TTN: variants seen among roughly 807,000 people sequenced by gnomAD.
TTN encodes titin, also known as connectin.
TTN carries 1,525 observed loss-of-function variants against 3,223.0 expected under a neutral mutation model. The observed-to-expected ratio is 0.47, with a 90% CI of 0.45 to 0.49. The LOEUF (loss-of-function observed/expected upper bound fraction) is 0.49, where lower values mean the gene tolerates loss of function less well. Among genes scored for constraint, TTN ranks in the 20% least tolerant of loss-of-function variants. TTN has a pLI of 0.00. For missense variants in TTN, 40,786 were observed against 43,424.0 expected, an observed-to-expected ratio of 0.94 and a Z score of 5.40; for synonymous variants, 14,094 against 15,161.0, an observed-to-expected ratio of 0.93 and a Z score of 5.17.
chr2:178,800,385 C>T lies in TTN; in HGVS notation c.583+10G>A, dbSNP rs563745293. 1.2e-6 allele frequency: 2 copies of T among 1,614,100 alleles called. No individual in the cohort carries two copies. Among genetic ancestry groups the T allele is most frequent in the Admixed American group, 1.7e-5 (1 of 60,014 alleles). On this transcript the variant is annotated intron_variant, in intron 4 of 362. Coordinates refer to ENST00000589042, the MANE Select transcript of TTN (RefSeq NM_001267550.2). ...CCCCTTCTCTCTGTTCCTCAACCTC[C>T]AGCACGTACCTTGAACCAGTAATTC...
intron 288 of TTN, chr2:178,600,406 T>C (rs1288878071): frequency 1.0e-5 from 1 of 97,262 alleles, no homozygotes; most frequent in Non-Finnish European, 1.9e-5. Context: ...GGAAGAATTA[T>C]TACCATATAT....
In TTN at chr2:178,776,550, T is replaced by C. The variant is rs150725992; in HGVS notation, c.5314A>G (p.Ser1772Gly). The C allele has an allele frequency of 1.6e-4, 262 of 1,612,108 alleles. No homozygotes were observed. Among genetic ancestry groups the C allele is most frequent in the Non-Finnish European group, 2.2e-4 (257 of 1,179,996 alleles). ...LDYGVAYSRD[S>G]GIITCRATNK... is the part of the protein sequence containing the mutation. Reference sequence around the variant, plus strand: ...GTGGCTCTGCAAGTAATGATACCACTGTCTCTAGAATATGCAACGCCATAA... The same window carrying C: ...GTGGCTCTGCAAGTAATGATACCACCGTCTCTAGAATATGCAACGCCATAA... The change falls in exon 28 of 363, where the codon AGT (serine) becomes GGT (glycine). Residue 1772 changes from serine (S) to glycine (G), a missense_variant. Ser to Gly is a moderately conservative substitution (Grantham distance 56). Transcript: ENST00000589042.
Position 178,770,414 on chromosome 2 carries a change from T to A in TTN, c.8378A>T (p.Glu2793Val). ...AAAGTGTTTCTAAATCAACTTACTC[T>A]CCACGTGCAGTCTGGCACTGGCTCC... ...RLGASARLHV[E>V]TVKIIKKPKD... The change falls in exon 35 of 363, where the codon GAG becomes GTG. Residue 2793 changes from glutamate to valine, a missense_variant and splice_region_variant. By Grantham distance (121) the Glu-to-Val change is moderately radical. Transcript: ENST00000589042. The A allele has an allele frequency of 6.2e-7, 1 of 1,614,154 alleles. No individual in the cohort carries two copies. The highest frequency in any genetic ancestry group is 8.5e-7 in the Non-Finnish European group (1 of 1,180,024).
At chr2:178,762,504 T>C (rs890984064) in intron 43 of TTN, among the ~76,000 whole-genome samples, 2 of 152,234 alleles carry the variant, frequency 1.3e-5, no homozygotes, top group Non-Finnish European at 2.9e-5. Flanking sequence ...TATGTTAATA[T>C]GTTATAGACT....
In TTN at chr2:178,538,980, A is replaced by G; in HGVS notation, c.98955T>C (p.Pro32985=). ...CTTTGCAAACAACTGGTTCAGAAGC[A>G]GGGCTGGTCTCACTCAGGCCAACAT... ...QNDVGLSETS[P]ASEPVVCKDP... is the part of the protein sequence containing the mutation. Residue 32985 remains proline (P), a synonymous_variant, in exon 353 of 363, where the codon CCT becomes CCC. Coordinates refer to ENST00000589042, the MANE Select transcript of TTN (RefSeq NM_001267550.2). 7 of 1,611,030 alleles carry G rather than the reference A, an allele frequency of 4.3e-6. No individual in the cohort carries two copies. The highest frequency in any genetic ancestry group is 5.9e-6 in the Non-Finnish European group (7 of 1,177,434).
chr2:178,566,611 G>A lies in TTN; in HGVS notation c.79521C>T (p.Ala26507=). 1 of 1,612,472 alleles carries A rather than the reference G, an allele frequency of 6.2e-7. No individual in the cohort carries two copies. The highest frequency in any genetic ancestry group is 1.1e-5 in the South Asian group (1 of 91,080). ...VDTTKNSITL[A]WGKPIYDGGS... is the part of the protein sequence containing the mutation. ...CGCCATCATAGATGGGTTTACCCCA[G>A]GCAAGTGTGATTGAATTTTTAGTGG... The change falls in exon 326 of 363, where the codon GCC becomes GCT. Residue 26507 remains alanine (A), a synonymous_variant. Transcript: ENST00000589042.
chr2:178,617,165 C>T lies in TTN; in HGVS notation c.47830G>A (p.Asp15944Asn). ...VSAENKAGVS[D>N]PSEILGPLTA... is the part of the protein sequence containing the mutation. ...AGAGGACCAAGAATTTCAGATGGAT[C>T]TGAAACACCAGCTTTATTTTCTGCA... The change falls in exon 255 of 363, where the codon GAT (aspartate) becomes AAT (asparagine). Residue 15944 changes from aspartate to asparagine, a missense_variant. By Grantham distance (23) the Asp-to-Asn change is conservative (BLOSUM62 1). Coordinates refer to ENST00000589042, the MANE Select transcript of TTN (RefSeq NM_001267550.2). 1 of 1,604,594 alleles carries T rather than the reference C, an allele frequency of 6.2e-7. No individual in the cohort carries two copies. The highest frequency in any genetic ancestry group is 1.1e-5 in the South Asian group (1 of 89,604).
Position 178,724,294 on chromosome 2 carries a change from C to T in TTN, c.21081G>A (p.Gly7027=), listed in dbSNP as rs777605427. 1.2e-6 allele frequency: 2 copies of T among 1,613,398 alleles called. No individual in the cohort carries two copies. The highest frequency in any genetic ancestry group is 8.5e-7 in the Non-Finnish European group (1 of 1,179,582). Residue 7027 remains glycine (G), a synonymous_variant, in exon 72 of 363, where the codon GGG becomes GGA. Coordinates refer to ENST00000589042, the MANE Select transcript of TTN (RefSeq NM_001267550.2). ...CAACCACAGCTGTGCAGCTGCTTTT[C>T]CCAACATTATTTTGAACCTGGAAAG... is the stretch of plus-strand genomic sequence containing the variant. ...TYTFQVQNNV[G]KSSCTAVVDV...
chr2:178,719,954 T>A (rs2078092013), intron 81 of TTN, 29 bp downstream of exon 81: 1 of 1,556,868 alleles, frequency 6.4e-7, no homozygotes, highest in Non-Finnish European at 8.7e-7. Context: ...GTAAATTGAT[T>A]TTTTCTCTGG....
rs759982511 is a variant in TTN, at chr2:178,585,222, C to T, written c.64522G>A (p.Val21508Ile). 3.9e-5 allele frequency: 63 copies of T among 1,613,228 alleles called. No homozygotes were observed. The highest frequency in any genetic ancestry group is 7.7e-5 in the South Asian group (7 of 91,052). Residue 21508 changes from valine (V) to isoleucine (I), a missense_variant, in exon 309 of 363, where the codon GTC (valine) becomes ATC (isoleucine). Coordinates refer to ENST00000589042, the MANE Select transcript of TTN (RefSeq NM_001267550.2). The stretch of plus-strand genomic sequence containing the variant: ...TGCACTGCCAGGTGGCTGGATGTGA[C>T]AACTTCATCTTCTCCTTTTTTCCAT... ...CKWKKGEDEV[V>I]TSSHLAVHKA...
rs745720217 is a variant in TTN, at chr2:178,740,761, G to C, written c.12472C>G (p.Gln4158Glu). The change falls in exon 48 of 363, where the codon CAG becomes GAG. Residue 4158 changes from glutamine to glutamate, a missense_variant. By Grantham distance (29) the Gln-to-Glu change is conservative. Coordinates refer to ENST00000589042, the MANE Select transcript of TTN (RefSeq NM_001267550.2). ...PNLQLQIVQS[Q>E]KTFSKEGILM... is the part of the protein sequence containing the mutation. ...ATACCTTCTTTGGAGAAGGTTTTCT[G>C]GGACTGTACAATCTGCAGCTGTAGG... 2.5e-6 allele frequency: 4 copies of C among 1,613,516 alleles called. No individual in the cohort carries two copies. Among genetic ancestry groups the C allele is most frequent in the Non-Finnish European group, 3.4e-6 (4 of 1,179,802 alleles).
Position 178,593,889 on chromosome 2 carries a change from G to A in TTN, c.58433-22C>T, listed in dbSNP as rs75392184. 4.1e-4 allele frequency: 663 copies of A among 1,607,488 alleles called. 13 individuals carry two copies. In the East Asian group the frequency reaches 0.014, roughly 35 times the overall value. ...CGGTCTGCAGAAAAAAAAAATCATG[G>A]CACAAAATGTTATTGCCATTTCTGC... On this transcript the variant is annotated intron_variant, in intron 297 of 362. Coordinates refer to ENST00000589042, the MANE Select transcript of TTN (RefSeq NM_001267550.2).
In TTN at chr2:178,581,506, G is replaced by A. The variant is rs1178308561; in HGVS notation, c.66762C>T (p.Asp22254=). 2 of 1,591,440 alleles carry A rather than the reference G, an allele frequency of 1.3e-6. No homozygotes were observed. The highest frequency in any genetic ancestry group is 1.1e-5 in the South Asian group (1 of 87,774). The change falls in exon 316 of 363, where the codon GAC becomes GAT. Residue 22254 remains aspartate (D), a synonymous_variant. Transcript: ENST00000589042. ...CCCCCTGGTAATACTTACTTAAGAT[G>A]TCCTTGGGATAGTGTTTATCTGGCA... ...SDVPDKHYPK[D]ILIPPEGELD...
chr2:178,691,108 G>T (rs2072297056), intron 121 of TTN, among the ~76,000 whole-genome samples: 2 of 152,144 alleles, frequency 1.3e-5, no homozygotes, highest in African/African-American at 4.8e-5. Context: ...AAAGAGCCAA[G>T]AGTTTGAGAA....
Position 178,712,225 on chromosome 2 carries a change from G to A in TTN, c.27608-3C>T. Reference sequence around the variant, plus strand: ...CTGCTTGACAAAATACGGTGGTTCTGCAGCCAAGAGAGATAATCAATCAGT... The same window carrying A: ...CTGCTTGACAAAATACGGTGGTTCTACAGCCAAGAGAGATAATCAATCAGT... On this transcript the variant is annotated splice_region_variant and splice_polypyrimidine_tract_variant and intron_variant, in intron 95 of 362. Transcript: ENST00000589042. 6.2e-7 allele frequency: 1 copy of A among 1,611,746 alleles called. No homozygotes were observed. Among genetic ancestry groups the A allele is most frequent in the East Asian group, 2.2e-5 (1 of 44,854 alleles).
chr2:178,713,742 C>A, intron 92 of TTN, 155 bp downstream of exon 92: 1 of 1,022,780 alleles, frequency 9.8e-7, no homozygotes, highest in Non-Finnish European at 1.4e-6. Flanking sequence ...TGGTTTTCTT[C>A]TAATTCTACA....
chr2:178,640,550 G>A lies in TTN; in HGVS notation c.40714C>T (p.Pro13572Ser). 1.2e-6 allele frequency: 2 copies of A among 1,602,540 alleles called. No individual in the cohort carries two copies. Among genetic ancestry groups the A allele is most frequent in the Non-Finnish European group, 1.7e-6 (2 of 1,175,420 alleles). ...VTKRERKIPE[P>S]TKVPEIKPAI... ...GACAGTAGATTTGTACCTTTTGTTG[G>A]TTCAGGAATCTTCCTTTCCCTTTTT... The change falls in exon 221 of 363, where the codon CCA (proline) becomes TCA (serine). Residue 13572 changes from proline to serine, a missense_variant. Transcript: ENST00000589042.
Position 178,718,805 on chromosome 2 carries a change from A to G in TTN, c.24395T>C (p.Val8132Ala). 6.2e-7 allele frequency: 1 copy of G among 1,613,804 alleles called. No homozygotes were observed. Among genetic ancestry groups the G allele is most frequent in the Non-Finnish European group, 8.5e-7 (1 of 1,179,756 alleles). Residue 8132 changes from valine to alanine, a missense_variant, in exon 84 of 363, where the codon GTC becomes GCC. Transcript: ENST00000589042. ...CACCTCAAACAACTCCAGTTCTGTG[A>G]CAAAATCTTCCAGAGAGATGTTGCA... ...ESCNISLEDF[V>A]TELELFEVQP...
intron 47 of TTN, chr2:178,749,549 GC>G: frequency 6.2e-7 from 1 of 1,612,856 alleles, no homozygotes; most frequent in Non-Finnish European, 8.5e-7. Flanking sequence ...ATAAAAATGT[GC>G]CCTTACAGAT....
Sources: gnomAD v4.1 joint callset for allele counts (sites outside exome capture counted in the v4.1 genomes callset) on GRCh38, gnomAD v4.1.1 for gene constraint, MANE v1.5 for transcripts, NCBI Gene and HGNC (gene_info 2026-07-23, HGNC 2026-07-21) for gene names.